APPL2: variants seen among roughly 807,000 people sequenced by gnomAD.
APPL2 encodes the protein DCC-interacting protein 13-beta.
In APPL2, 84 loss-of-function variants were observed where a neutral mutation model predicts 92.7. That is an observed-to-expected ratio of 0.91 (90% CI 0.76 to 1.09). The LOEUF is 1.09. Ranked by LOEUF, APPL2 falls within the 50% of genes least tolerant of loss-of-function variation. APPL2 has a pLI of 0.00. For synonymous variants in APPL2, 291 were observed against 291.0 expected (o/e 1.00, Z 0.00); for missense variants, 736 against 824.5 (o/e 0.89, Z 1.31).
chr12:105,194,850 T>C (rs747053833), intron 14 of APPL2, among the ~76,000 whole-genome samples: 18 of 152,056 alleles, frequency 1.2e-4, no homozygotes, highest in Non-Finnish European at 2.6e-4. Flanking sequence ...TATGTTCAGA[T>C]AAGGCGTGGA....
At chr12:105,176,000 A>G in intron 20 of APPL2, 35 bp downstream of exon 20, 1 of 1,532,846 alleles carries the variant, frequency 6.5e-7, no homozygotes, top group Non-Finnish European at 8.8e-7. Flanking sequence ...ATGTGTTTTG[A>G]GTAGCTACTA....
intron 1 of APPL2, chr12:105,235,390 G>T (rs1891168993): frequency 6.6e-6 from 1 of 152,070 alleles, no homozygotes; most frequent in South Asian, 2.1e-4. Context: ...ATGGGAAAAC[G>T]GTGCCAAAAG....
intron 17 of APPL2, among the ~76,000 whole-genome samples, chr12:105,187,578 C>T (rs954628339): frequency 6.6e-6 from 1 of 152,094 alleles, no homozygotes; most frequent in Non-Finnish European, 1.5e-5. Flanking sequence ...TATATGTCAT[C>T]GAAGTTTTTC....
Position 105,190,030 on chromosome 12 carries a change from A to G in APPL2, c.1367T>C (p.Leu456Pro), listed in dbSNP as rs772673476. The G allele has an allele frequency of 1.2e-6, 2 of 1,614,188 alleles. No homozygotes were observed. The highest frequency in any genetic ancestry group is 1.7e-5 in the Admixed American group (1 of 60,024). Residue 456 changes from leucine to proline, a missense_variant, in exon 15 of 21, where the codon CTT becomes CCT. By Grantham distance (98) the Leu-to-Pro change is moderately conservative. Coordinates refer to ENST00000258530, the MANE Select transcript of APPL2 (RefSeq NM_018171.5). ...CTGATCAAGGAATTCTGTAGCAGGA[A>G]GCACAATATCGAATTGAATCGGCGT... ...PGTPIQFDIV[L>P]PATEFLDQNR...
chr12:105,197,701 G>A (rs1484381397), intron 11 of APPL2, 64 bp downstream of exon 11: 3 of 1,588,262 alleles, frequency 1.9e-6, no homozygotes, highest in African/African-American at 1.3e-5. Context: ...TGAACTAGGA[G>A]GCCCTTGGAA....
chr12:105,235,848 G>A (rs988218565), intron 1 of APPL2, 111 bp downstream of exon 1: 4 of 868,912 alleles, frequency 4.6e-6, no homozygotes, highest in Non-Finnish European at 6.0e-6. Flanking sequence ...CGAGGGGGCC[G>A]GGCGCACTCC....
chr12:105,194,106 T>C (rs1366983933), intron 14 of APPL2, among the ~76,000 whole-genome samples: 2 of 152,188 alleles, frequency 1.3e-5, no homozygotes, highest in East Asian at 3.8e-4. Context: ...CTGGGGTCAT[T>C]AGATATTTGT....
chr12:105,201,343 GC>G (rs1379636587), intron 9 of APPL2, among the ~76,000 whole-genome samples: 1 of 152,186 alleles, frequency 6.6e-6, no homozygotes, highest in African/African-American at 2.4e-5. Context: ...GCTTGTCACT[GC>G]CCCGGCTGAG....
At chr12:105,222,330 T>C (rs1033728686) in intron 2 of APPL2, among the ~76,000 whole-genome samples, 1 of 151,252 alleles carries the variant, frequency 6.6e-6, no homozygotes, top group African/African-American at 2.4e-5. Context: ...GGAGAGAGAA[T>C]AGATGAGGGG....
intron 5 of APPL2, among the ~76,000 whole-genome samples, chr12:105,208,459 G>A (rs1888942315): frequency 1.3e-5 from 2 of 152,202 alleles, no homozygotes. Flanking sequence ...GTCTGTGAGG[G>A]AGAGGGCACG....
chr12:105,215,505 A>T (rs764824665), intron 4 of APPL2, among the ~76,000 whole-genome samples: 3 of 152,234 alleles, frequency 2.0e-5, no homozygotes, highest in Non-Finnish European at 4.4e-5. Flanking sequence ...TGCCTAGAAC[A>T]GCGTCTGCTA....
chr12:105,195,765 G>C, intron 11 of APPL2, 138 bp from the exon 12 acceptor site: 1 of 934,264 alleles, frequency 1.1e-6, no homozygotes, highest in Non-Finnish European at 1.7e-6. Context: ...AAGAAAATGG[G>C]GTTCCAGGGC....
chr12:105,199,741 T>C (rs1887986286), intron 9 of APPL2, among the ~76,000 whole-genome samples: 2 of 152,234 alleles, frequency 1.3e-5, no homozygotes, highest in South Asian at 4.1e-4. Context: ...TGTGTTTATA[T>C]GACTGCTGTT....
chr12:105,177,112 A>G lies in APPL2; in HGVS notation c.1672-96T>C, dbSNP rs2289773. ...GAAAAGTCATGAGAAAAAGTATCCT[A>G]TTAGTCCTATTAGTGGCAGATCTTT... On this transcript the variant is annotated intron_variant, in intron 18 of 20. Transcript: ENST00000258530. 3.6e-3 allele frequency: 5,697 copies of G among 1,593,690 alleles called. 263 individuals carry two copies. In the East Asian group the frequency reaches 0.097, roughly 27 times the overall value.
rs769022744 is a variant in APPL2 at position 105,176,871 on chromosome 12, G to C, written c.1812+5C>G. The C allele has an allele frequency of 1.2e-6, 2 of 1,613,226 alleles. No homozygotes were observed. Among genetic ancestry groups the C allele is most frequent in the Admixed American group, 3.3e-5 (2 of 59,740 alleles). ...TATTATGGGATCTTCACATGAAAAA[G>C]AGACCTTTTCGCCTTCTGAGTTGCT... On this transcript the variant is annotated splice_donor_5th_base_variant and intron_variant, in intron 19 of 20. Coordinates refer to ENST00000258530, the MANE Select transcript of APPL2 (RefSeq NM_018171.5).
At chr12:105,209,405 TAAAA>T (rs201259263) in intron 5 of APPL2, among the ~76,000 whole-genome samples, 3 of 151,906 alleles carry the variant, frequency 2.0e-5, no homozygotes, top group African/African-American at 7.3e-5. Flanking sequence ...TTATTCCACT[TAAAA>T]AAAATCACCA....
At chr12:105,194,848 G>C (rs1887504939) in intron 14 of APPL2, among the ~76,000 whole-genome samples, 1 of 151,322 alleles carries the variant, frequency 6.6e-6, no homozygotes, top group Non-Finnish European at 1.5e-5. Context: ...TGTATGTTCA[G>C]ATAAGGCGTG....
At chr12:105,221,013 T>C (rs987019722) in intron 2 of APPL2, among the ~76,000 whole-genome samples, 9 of 152,248 alleles carry the variant, frequency 5.9e-5, no homozygotes, top group Admixed American at 2.6e-4. Context: ...CCAACATGCT[T>C]ACAACACAGC....
intron 14 of APPL2, among the ~76,000 whole-genome samples, chr12:105,194,297 A>G (rs1887456079): frequency 6.6e-6 from 1 of 152,212 alleles, no homozygotes; most frequent in South Asian, 2.1e-4. Flanking sequence ...TAAATCCTAA[A>G]GCACTATTCA....
Sources: gnomAD v4.1 joint callset for allele counts (sites outside exome capture counted in the v4.1 genomes callset) on GRCh38, gnomAD v4.1.1 for gene constraint, MANE v1.5 for transcripts, NCBI Gene and HGNC (gene_info 2026-07-23, HGNC 2026-07-21) for gene names.